ADAMDEC1: variants seen among roughly 807,000 people sequenced by gnomAD.
The protein encoded by ADAMDEC1 is ADAM like decysin 1.
Under a neutral mutation model 60.4 loss-of-function variants are expected in ADAMDEC1, and 62 were observed. The observed-to-expected ratio is 1.03, with a 90% CI of 0.84 to 1.27. The LOEUF (loss-of-function observed/expected upper bound fraction) is 1.27, where lower values mean the gene tolerates loss of function less well. Ranked by LOEUF, ADAMDEC1 falls within the 50% of genes most tolerant of loss-of-function variation. ADAMDEC1 has a pLI of 0.00. For synonymous variants in ADAMDEC1, 210 were observed against 195.1 expected, an observed-to-expected ratio of 1.08 and a Z score of -0.64; for missense variants, 595 against 565.0, an observed-to-expected ratio of 1.05 and a Z score of -0.54.
chr8:24,396,653 A>T (rs569421294), intron 5 of ADAMDEC1, among the ~76,000 whole-genome samples: 11 of 152,368 alleles, frequency 7.2e-5, no homozygotes, highest in African/African-American at 2.2e-4. Flanking sequence ...GAAATAAAAA[A>T]AAAACCACAT....
chr8:24,390,199 TAA>T (rs1817402494), intron 1 of ADAMDEC1: 1 of 1,139,594 alleles, frequency 8.8e-7, no homozygotes, highest in Non-Finnish European at 1.2e-6. Flanking sequence ...AGTTTTCACA[TAA>T]AAGAAATATC....
chr8:24,397,836 A>G, intron 7 of ADAMDEC1, 91 bp downstream of exon 7: 1 of 1,236,118 alleles, frequency 8.1e-7, no homozygotes, highest in Non-Finnish European at 1.2e-6. Context: ...TATTTTAGCT[A>G]ATCATGGGGC....
intron 1 of ADAMDEC1, among the ~76,000 whole-genome samples, chr8:24,389,353 T>C (rs778141542): frequency 1.3e-5 from 2 of 152,166 alleles, no homozygotes; most frequent in African/African-American, 4.8e-5. Context: ...ATGTTCTATA[T>C]CCAATCCTTC....
intron 1 of ADAMDEC1, among the ~76,000 whole-genome samples, chr8:24,388,688 TAC>T (rs1198110106): frequency 1.3e-5 from 2 of 152,186 alleles, no homozygotes; most frequent in Non-Finnish European, 2.9e-5. Context: ...TAGCTTTAAG[TAC>T]CATCCACAAG....
intron 1 of ADAMDEC1, among the ~76,000 whole-genome samples, chr8:24,388,184 T>C (rs1817344069): frequency 6.6e-6 from 1 of 152,126 alleles, no homozygotes. Context: ...TGCCTTCAGT[T>C]ATTCTTCCCC....
intron 12 of ADAMDEC1, 80 bp from the exon 13 acceptor site, chr8:24,403,923 C>A: frequency 8.7e-7 from 1 of 1,149,780 alleles, no homozygotes; most frequent in Non-Finnish European, 1.3e-6. Flanking sequence ...TCATTGCCAT[C>A]TTGTGCCAGA....
chr8:24,386,223 G>T (rs957940181), intron 1 of ADAMDEC1, among the ~76,000 whole-genome samples: 3 of 152,134 alleles, frequency 2.0e-5, no homozygotes, highest in Non-Finnish European at 2.9e-5. Context: ...TTAGGTTGCA[G>T]TTAACTATAT....
chr8:24,405,258 C>T, intron 13 of ADAMDEC1, 34 bp from the exon 14 acceptor site: 3 of 1,605,920 alleles, frequency 1.9e-6, no homozygotes, highest in Non-Finnish European at 2.6e-6. Context: ...TTGTAATAAC[C>T]CTGGCTTCCA....
At chr8:24,405,140 C>T (rs1817857918) in intron 13 of ADAMDEC1, 152 bp from the exon 14 acceptor site, 2 of 756,076 alleles carry the variant, frequency 2.6e-6, no homozygotes, top group African/African-American at 3.7e-5. Flanking sequence ...GTTTTTTTCA[C>T]TCATGAAATA....
At chr8:24,403,280 T>C (rs1387973655) in intron 12 of ADAMDEC1, among the ~76,000 whole-genome samples, 1 of 152,146 alleles carries the variant, frequency 6.6e-6, no homozygotes, top group Non-Finnish European at 1.5e-5. Context: ...TATGTATACT[T>C]CATACAGTAT....
chr8:24,385,228 C>T, intron 1 of ADAMDEC1, among the ~76,000 whole-genome samples: 1 of 152,106 alleles, frequency 6.6e-6, no homozygotes. Context: ...TACGTATTTC[C>T]ATGTATAAAC....
intron 1 of ADAMDEC1, among the ~76,000 whole-genome samples, chr8:24,389,760 C>G (rs1263071633): frequency 6.6e-6 from 1 of 152,102 alleles, no homozygotes; most frequent in African/African-American, 2.4e-5. Context: ...ACTCTCTATC[C>G]AGGATCTCAC....
Position 24,400,316 on chromosome 8 carries a change from C to T in ADAMDEC1, c.1142+16C>T, listed in dbSNP as rs779264150. On this transcript the variant is annotated intron_variant, in intron 11 of 13. Coordinates refer to ENST00000256412, the MANE Select transcript of ADAMDEC1 (RefSeq NM_014479.3). ...AGTATCTGAGGTGAGACCTTGTCAT[C>T]CTAAAAGGAGAGAGATATTTTCCAA... 49 of 1,579,896 alleles carry T rather than the reference C, an allele frequency of 3.1e-5. No individual in the cohort carries two copies. The highest frequency in any genetic ancestry group is 3.7e-5 in the Non-Finnish European group (43 of 1,168,880).
chr8:24,386,475 AATG>A (rs1817296211), intron 1 of ADAMDEC1, among the ~76,000 whole-genome samples: 1 of 152,170 alleles, frequency 6.6e-6, no homozygotes, highest in Non-Finnish European at 1.5e-5. Context: ...TTCTGGGGGA[AATG>A]GGAGGGATTG....
chr8:24,399,419 T>C lies in ADAMDEC1; in HGVS notation c.956T>C (p.Val319Ala), dbSNP rs1179641039. 3 of 1,613,966 alleles carry C rather than the reference T, an allele frequency of 1.9e-6. No individual in the cohort carries two copies. The highest frequency in any genetic ancestry group is 2.5e-6 in the Non-Finnish European group (3 of 1,179,892). Reference sequence around the variant, plus strand: ...GGGATTAGCTTCAACAATCGACGTGTGGGACTGGCAGCTTCAAATTCCTTG... The same window carrying C: ...GGGATTAGCTTCAACAATCGACGTGCGGGACTGGCAGCTTCAAATTCCTTG... ...LSGISFNNRR[V>A]GLAASNSLCS... The change falls in exon 10 of 14, where the codon GTG becomes GCG. Residue 319 changes from valine (V) to alanine (A), a missense_variant. Physicochemically the swap from Val to Ala is moderately conservative, Grantham distance 64. Transcript: ENST00000256412.
At chr8:24,395,687 T>A (rs1332048396) in intron 4 of ADAMDEC1, 33 bp from the exon 5 acceptor site, 1 of 1,437,288 alleles carries the variant, frequency 7.0e-7, no homozygotes, top group African/African-American at 1.4e-5. Flanking sequence ...CACACACACA[T>A]TTCTGAAGCA....
In ADAMDEC1 at chr8:24,393,256, T is replaced by G; in HGVS notation, c.208-6T>G. On this transcript the variant is annotated splice_region_variant and splice_polypyrimidine_tract_variant and intron_variant, in intron 2 of 13. Coordinates refer to ENST00000256412, the MANE Select transcript of ADAMDEC1 (RefSeq NM_014479.3). ...TAAATTGCTTGATGTAATTAAATGT[T>G]TTCAGGAAAGGTATGAACCTGAAGT... 6.4e-7 allele frequency: 1 copy of G among 1,556,098 alleles called. No individual in the cohort carries two copies. Among genetic ancestry groups the G allele is most frequent in the Non-Finnish European group, 8.8e-7 (1 of 1,139,470 alleles).
chr8:24,400,134 A>C, intron 10 of ADAMDEC1, 36 bp from the exon 11 acceptor site: 1 of 1,464,116 alleles, frequency 6.8e-7, no homozygotes, highest in Non-Finnish European at 9.1e-7. Flanking sequence ...ACAATTAAAT[A>C]AAAAAAGAAT....
intron 3 of ADAMDEC1, 132 bp from the exon 4 acceptor site, chr8:24,393,937 G>A (rs1182265849): frequency 2.1e-6 from 1 of 487,488 alleles, no homozygotes; most frequent in Admixed American, 3.5e-5. Context: ...TCCAATGTTG[G>A]AAGAGGATTA....
Sources: gnomAD v4.1 joint callset for allele counts (sites outside exome capture counted in the v4.1 genomes callset) on GRCh38, gnomAD v4.1.1 for gene constraint, MANE v1.5 for transcripts, NCBI Gene and HGNC (gene_info 2026-07-23, HGNC 2026-07-21) for gene names.